KCNQ1: variants seen among roughly 807,000 people sequenced by gnomAD.
The protein encoded by KCNQ1 is potassium voltage-gated channel subfamily Q member 1, also known as potassium voltage-gated channel subfamily KQT member 1.
Under a neutral mutation model 72.4 loss-of-function variants are expected in KCNQ1, and 49 were observed. The observed-to-expected ratio is 0.68, with a 90% CI of 0.54 to 0.86. The LOEUF is 0.86. Among genes scored for constraint, KCNQ1 ranks in the 40% least tolerant of loss-of-function variants. The pLI is 0.00. For synonymous variants in KCNQ1, 450 were observed against 412.6 expected, an observed-to-expected ratio of 1.09 and a Z score of -1.10; for missense variants, 790 against 945.1, an observed-to-expected ratio of 0.84 and a Z score of 2.15.
intron 1 of KCNQ1, among the ~76,000 whole-genome samples, chr11:2,469,506 C>T (rs1396205970): frequency 6.6e-6 from 1 of 151,980 alleles, no homozygotes; most frequent in Non-Finnish European, 1.5e-5. Flanking sequence ...CTCCTGACCT[C>T]GTGATCCACC....
intron 10 of KCNQ1, chr11:2,649,315 G>C (rs1267396435): frequency 2.5e-6 from 1 of 397,738 alleles, no homozygotes; most frequent in Non-Finnish European, 4.4e-6. Context: ...GCAATTTTTT[G>C]GTTTTCTGTA....
Position 2,642,432 on chromosome 11 carries a change from CT to C in KCNQ1, c.1394-19528del, listed in dbSNP as rs1242610189. 7.5e-6 allele frequency: 3 copies of C among 398,000 alleles called. No individual in the cohort carries two copies. The highest frequency in any genetic ancestry group is 1.3e-5 in the Non-Finnish European group (3 of 225,764). 24.7% of individuals were successfully genotyped at this position (398,000 alleles called of 1,614,324 possible). On this transcript the variant is annotated intron_variant, in intron 10 of 15. Transcript: ENST00000155840. The surrounding 1 kb of genome is among the most constrained non-coding windows in gnomAD (Gnocchi z 4.3). ...TCTTTATTGGTATATAGAAATAAGC[CT>C]GATTTTTAAATCCTGTAACTGTAAT...
At position 2,847,843 on chromosome 11, in the gene KCNQ1, C is replaced by T. The variant is rs1254125115; in HGVS notation, c.1871C>T (p.Thr624Ile). 2 of 1,570,062 alleles carry T rather than the reference C, an allele frequency of 1.3e-6. No individual in the cohort carries two copies. The highest frequency in any genetic ancestry group is 1.7e-6 in the Non-Finnish European group (2 of 1,157,158). ...HQLLSLHGGS[T>I]PGSGGPPREG... ...CTGCTCTCCTTGCACGGTGGCAGCA[C>T]CCCCGGCAGCGGCGGCCCCCCCAGA... The change falls in exon 16 of 16, where the codon ACC (threonine) becomes ATC (isoleucine). Residue 624 changes from threonine (T) to isoleucine (I), a missense_variant. By Grantham distance (89) the Thr-to-Ile change is moderately conservative. Around this residue, in one of 5 missense-constraint regions of KCNQ1, gnomAD observed 94 missense variants for 85.2 expected, o/e 1.10. Coordinates refer to ENST00000155840, the MANE Select transcript of KCNQ1 (RefSeq NM_000218.3).
chr11:2,649,946 A>C, intron 10 of KCNQ1: 1 of 398,476 alleles, frequency 2.5e-6, no homozygotes, highest in East Asian at 3.6e-5. Context: ...TTAGCTTAAT[A>C]GTGTCTCATA....
Position 2,543,526 on chromosome 11 carries a change from G to A in KCNQ1, c.477+15508G>A, listed in dbSNP as rs530310942. ...TGGCCTCAAGCGATCCCCTTGCCTC[G>A]GCCTCCCAAAGCGCTGGAATTACAG... On this transcript the variant is annotated intron_variant, in intron 2 of 15. Transcript: ENST00000155840. This position sits in a 1 kb window ranked among gnomAD's most constrained non-coding sequence, Gnocchi z 5.6. 5.3e-5 allele frequency among the ~76,000 whole-genome samples: 8 copies of A among 152,170 alleles called. No homozygotes were observed. Among genetic ancestry groups the A allele is most frequent in the Admixed American group, 2.6e-4 (4 of 15,270 alleles).
rs1299659748 is a variant in KCNQ1 at position 2,608,981 on chromosome 11, C to T, written c.1393+20127C>T. 3 of 398,128 alleles carry T rather than the reference C, an allele frequency of 7.5e-6. No individual in the cohort carries two copies. The highest frequency in any genetic ancestry group is 7.1e-5 in the East Asian group (2 of 28,074). 24.7% of individuals were successfully genotyped at this position (398,128 alleles called of 1,614,324 possible). On this transcript the variant is annotated intron_variant, in intron 10 of 15. Transcript: ENST00000155840. This position sits in a 1 kb window ranked among gnomAD's most constrained non-coding sequence, Gnocchi z 4.6. ...TCAAAGGTTTGTTAATTTCAAAGAA[C>T]CAAATTTTGGATTTGTTGACTTTAT...
At chr11:2,456,765 C>CAAAAAAAAAAAA (rs61437708) in intron 1 of KCNQ1, among the ~76,000 whole-genome samples, 17 of 31,842 alleles carry the variant, frequency 5.3e-4, no homozygotes, top group South Asian at 1.6e-3. Flanking sequence ...ACTAAAAATC[C>CAAAAAAAAAAAA]AAAAAAAAAA....
chr11:2,516,060 A>C lies in KCNQ1; in HGVS notation c.387-11868A>C, dbSNP rs1020617434. 4.6e-5 allele frequency among the ~76,000 whole-genome samples: 7 copies of C among 152,122 alleles called. No homozygotes were observed. Among genetic ancestry groups the C allele is most frequent in the Non-Finnish European group, 7.4e-5 (5 of 67,986 alleles). On this transcript the variant is annotated intron_variant, in intron 1 of 15. Coordinates refer to ENST00000155840, the MANE Select transcript of KCNQ1 (RefSeq NM_000218.3). The surrounding 1 kb of genome is among the most constrained non-coding windows in gnomAD (Gnocchi z 7.0). ...CGCCCAGGCCAGGGCTCCTGCTGGA[A>C]TCTCCCTGTGGAAGGCCAGGCTGCC...
At position 2,457,250 on chromosome 11, in the gene KCNQ1, A is replaced by T. The variant is rs2133576167; in HGVS notation, c.386+11766A>T. 6.6e-6 allele frequency among the ~76,000 whole-genome samples: 1 copy of T among 152,316 alleles called. No homozygotes were observed. Among genetic ancestry groups the T allele is most frequent in the South Asian group, 2.1e-4 (1 of 4,828 alleles). ...GGAAGGCAGTTTGGAGATTTCCCAAAGAACCAAGAGTTGAACTACCATTCG... is the reference window on the plus strand; with the variant it reads ...GGAAGGCAGTTTGGAGATTTCCCAATGAACCAAGAGTTGAACTACCATTCG... On this transcript the variant is annotated intron_variant, in intron 1 of 15. Coordinates refer to ENST00000155840, the MANE Select transcript of KCNQ1 (RefSeq NM_000218.3). The surrounding 1 kb of genome is among the most constrained non-coding windows in gnomAD (Gnocchi z 5.0).
At chr11:2,805,954 TGA>T (rs1847363255) in intron 15 of KCNQ1, among the ~76,000 whole-genome samples, 1 of 152,206 alleles carries the variant, frequency 6.6e-6, no homozygotes, top group African/African-American at 2.4e-5. Flanking sequence ...TTTATAATAG[TGA>T]GAAATTGGAA....
chr11:2,795,081 G>A (rs1847104835), intron 15 of KCNQ1, among the ~76,000 whole-genome samples: 1 of 152,102 alleles, frequency 6.6e-6, no homozygotes, highest in Non-Finnish European at 1.5e-5. Flanking sequence ...CATCTAACTC[G>A]CCACCTCCTC....
intron 2 of KCNQ1, among the ~76,000 whole-genome samples, chr11:2,570,287 C>T (rs1036994721): frequency 7.1e-5 from 7 of 98,030 alleles, no homozygotes; most frequent in African/African-American, 1.6e-4. Flanking sequence ...TTCCTGGCGT[C>T]GGACGCCCTC....
At chr11:2,580,408 C>G (rs1042042453) in intron 6 of KCNQ1, among the ~76,000 whole-genome samples, 1 of 130,822 alleles carries the variant, frequency 7.6e-6, no homozygotes, top group Non-Finnish European at 1.5e-5. Context: ...ATAATAGACC[C>G]ATTACATTTT....
In KCNQ1 at chr11:2,752,156, G is replaced by T. The variant is rs1176452219; in HGVS notation, c.1515-16688G>T. On this transcript the variant is annotated intron_variant, in intron 11 of 15. Transcript: ENST00000155840. This position sits in a 1 kb window ranked among gnomAD's most constrained non-coding sequence, Gnocchi z 5.2. ...GTGTTGTGTAGTGTTGACTTGAGTT[G>T]CATCGTGTTGTGTTGACTTGAGCTG... 2.0e-5 allele frequency among the ~76,000 whole-genome samples: 3 copies of T among 152,204 alleles called. No individual in the cohort carries two copies. The highest frequency in any genetic ancestry group is 2.9e-5 in the Non-Finnish European group (2 of 68,046).
At chr11:2,604,777 T>G (rs1728584884) in intron 10 of KCNQ1, among the ~76,000 whole-genome samples, 2 of 152,082 alleles carry the variant, frequency 1.3e-5, no homozygotes, top group Admixed American at 1.3e-4. Context: ...TCTCCTGACC[T>G]CGTGATCCAC....
intron 11 of KCNQ1, among the ~76,000 whole-genome samples, chr11:2,726,823 G>A (rs561759952): frequency 5.9e-5 from 9 of 152,190 alleles, no homozygotes; most frequent in South Asian, 4.2e-4. Context: ...GGTATCCCCC[G>A]TGCCCCACTG....
At chr11:2,761,592 G>A (rs1381274151) in intron 11 of KCNQ1, among the ~76,000 whole-genome samples, 1 of 152,128 alleles carries the variant, frequency 6.6e-6, no homozygotes, top group Non-Finnish European at 1.5e-5. Flanking sequence ...CCCCTCTTCC[G>A]TATCACTACC....
rs1025440673 is a variant in KCNQ1, at chr11:2,544,591, T to C, written c.477+16573T>C. On this transcript the variant is annotated intron_variant, in intron 2 of 15. Transcript: ENST00000155840. This position sits in a 1 kb window ranked among gnomAD's most constrained non-coding sequence, Gnocchi z 4.4. ...TCTTTTGAGGTACCTAAGTGTTTCA[T>C]ATTTTTTATGCTATGGTCAATGGTA... 3.3e-5 allele frequency among the ~76,000 whole-genome samples: 5 copies of C among 152,152 alleles called. No individual in the cohort carries two copies. The highest frequency in any genetic ancestry group is 1.2e-4 in the African/African-American group (5 of 41,442).
At chr11:2,542,379 C>T (rs889025330) in intron 2 of KCNQ1, among the ~76,000 whole-genome samples, 1 of 152,204 alleles carries the variant, frequency 6.6e-6, no homozygotes, top group African/African-American at 2.4e-5. Context: ...GCGCTAATTG[C>T]GAAGGAGGGG....
Sources: gnomAD v4.1 joint callset for allele counts (sites outside exome capture counted in the v4.1 genomes callset) on GRCh38, gnomAD v4.1.1 for gene constraint, gnomAD v4.1.1 regional missense constraint, Gnocchi (gnomAD v3.1) non-coding constraint, MANE v1.5 for transcripts, NCBI Gene and HGNC (gene_info 2026-07-23, HGNC 2026-07-21) for gene names.